Variants in ARHGEF18 observed in about 807,000 individuals in gnomAD.
ARHGEF18 encodes the protein rho guanine nucleotide exchange factor 18.
A neutral mutation model predicts 155.7 loss-of-function variants in ARHGEF18; 93 were observed. The observed-to-expected ratio is 0.60, with a 90% CI of 0.50 to 0.71. The LOEUF is 0.71. Ranked by LOEUF, ARHGEF18 falls within the 30% of genes least tolerant of loss-of-function variation. The pLI is 0.00. For synonymous variants in ARHGEF18, 742 were observed against 753.1 expected, an observed-to-expected ratio of 0.99 and a Z score of 0.24; for missense variants, 1,593 against 1,816.1, an observed-to-expected ratio of 0.88 and a Z score of 2.23.
chr19:7,406,646 A>T (rs1346258036), intron 10 of ARHGEF18, among the ~76,000 whole-genome samples: 3 of 152,176 alleles, frequency 2.0e-5, no homozygotes, highest in Non-Finnish European at 4.4e-5. Context: ...GAGACACAGG[A>T]TATGTTAAAA....
At chr19:7,355,761 G>A in intron 1 of ARHGEF18, 2 of 967,106 alleles carry the variant, frequency 2.1e-6, no homozygotes, top group Non-Finnish European at 2.5e-6. Flanking sequence ...TCCCAGGACA[G>A]CCTGCCCGCC....
intron 10 of ARHGEF18, among the ~76,000 whole-genome samples, chr19:7,432,601 A>T (rs1974028236): frequency 6.6e-6 from 1 of 152,110 alleles, no homozygotes; most frequent in African/African-American, 2.4e-5. Context: ...TCAGCCTCCC[A>T]AAGTACTCAG....
intron 10 of ARHGEF18, among the ~76,000 whole-genome samples, chr19:7,399,149 CG>C (rs1246809716): frequency 6.6e-6 from 1 of 152,106 alleles, no homozygotes; most frequent in Non-Finnish European, 1.5e-5. Context: ...CCCCCTGAGA[CG>C]GTCAAGAACT....
chr19:7,395,918 A>C lies in ARHGEF18; in HGVS notation c.967+12715A>C, dbSNP rs151326348. 1.6e-3 allele frequency among the ~76,000 whole-genome samples: 248 copies of C among 152,020 alleles called. No individual in the cohort carries two copies. The highest frequency in any genetic ancestry group is 3.4e-3 in the Middle Eastern group (1 of 294). On this transcript the variant is annotated intron_variant, in intron 10 of 28. Transcript: ENST00000668164. This position sits in a 1 kb window ranked among gnomAD's most constrained non-coding sequence, Gnocchi z 5.0. ...TACCTGGATATATTGCGTGATGCTG[A>C]GGTTTGGGGTGTGACTGATCTCGTC...
At chr19:7,450,986 T>C (rs1975401569) in intron 15 of ARHGEF18, among the ~76,000 whole-genome samples, 163 bp from the exon 16 acceptor site, 5 of 151,808 alleles carry the variant, frequency 3.3e-5, no homozygotes, top group Admixed American at 6.6e-5. Context: ...GAGATGTTAA[T>C]GCAGGATCTT....
At chr19:7,349,935 C>T (rs1045268697) in intron 1 of ARHGEF18, among the ~76,000 whole-genome samples, 1 of 152,092 alleles carries the variant, frequency 6.6e-6, no homozygotes, top group Non-Finnish European at 1.5e-5. Flanking sequence ...ACTGTCAAAA[C>T]AAACTCACAC....
intron 14 of ARHGEF18, 23 bp from the exon 15 acceptor site, chr19:7,447,020 A>T: frequency 6.2e-7 from 1 of 1,608,106 alleles, no homozygotes; most frequent in Non-Finnish European, 8.5e-7. Context: ...TTTAATTAAC[A>T]TTTCCATCCT....
chr19:7,445,501 A>G (rs1974932147), intron 14 of ARHGEF18, among the ~76,000 whole-genome samples: 1 of 152,138 alleles, frequency 6.6e-6, no homozygotes, highest in South Asian at 2.1e-4. Context: ...TAGTGGTATT[A>G]ACCCCAAATG....
At chr19:7,355,342 G>T (rs1294573287) in intron 1 of ARHGEF18, among the ~76,000 whole-genome samples, 22 of 152,032 alleles carry the variant, frequency 1.4e-4, no homozygotes, top group Admixed American at 1.4e-3. Context: ...GACCCAGTTT[G>T]TACTTGTATT....
At chr19:7,368,020 C>CGGAAGGAAGGAAGGAA (rs374690580) in intron 2 of ARHGEF18, among the ~76,000 whole-genome samples, 14,004 of 94,512 alleles carry the variant, frequency 0.15, 1,538 homozygotes, top group Non-Finnish European at 0.2. Context: ...GGAGGGAGGG[C>CGGAAGGAAGGAAGGAA]GGAAGGAAGG....
chr19:7,427,810 T>A (rs771930997), intron 10 of ARHGEF18, among the ~76,000 whole-genome samples: 4 of 150,322 alleles, frequency 2.7e-5, no homozygotes, highest in Non-Finnish European at 5.9e-5. Context: ...GCCAGGTGTG[T>A]TGGCACACGC....
intron 1 of ARHGEF18, chr19:7,355,573 G>T: frequency 1.0e-6 from 1 of 977,218 alleles, no homozygotes; most frequent in Non-Finnish European, 1.2e-6. Context: ...CCCCATCCTG[G>T]CAGGGATTCC....
chr19:7,362,327 T>TGGA (rs925472699), intron 1 of ARHGEF18, among the ~76,000 whole-genome samples: 9 of 128,114 alleles, frequency 7.0e-5, no homozygotes, highest in African/African-American at 3.3e-4. Context: ...AGGAAGAAGG[T>TGGA]GGAGGAGGAG....
rs370739393 is a variant in ARHGEF18 at position 7,460,011 on chromosome 19, G to T, written c.2452+17G>T. ...ACTTTCAAGGTGAGCGGGAGACAGC[G>T]TCTGGGCACACCCCTTGTGTGGTGA... is the stretch of plus-strand genomic sequence containing the variant. On this transcript the variant is annotated intron_variant, in intron 20 of 28. Transcript: ENST00000668164. 6.4e-7 allele frequency: 1 copy of T among 1,558,584 alleles called. No individual in the cohort carries two copies. The highest frequency in any genetic ancestry group is 1.4e-5 in the African/African-American group (1 of 73,612).
intron 10 of ARHGEF18, among the ~76,000 whole-genome samples, chr19:7,406,672 A>G (rs571418598): frequency 1.3e-5 from 2 of 152,276 alleles, no homozygotes; most frequent in South Asian, 4.1e-4. Context: ...TCAAGCTCAC[A>G]CTGTTGCAGT....
chr19:7,443,420 C>A (rs181651063), intron 13 of ARHGEF18, among the ~76,000 whole-genome samples: 1 of 152,032 alleles, frequency 6.6e-6, no homozygotes, highest in Non-Finnish European at 1.5e-5. Flanking sequence ...AGGCTAGTCT[C>A]GAACTCCTGA....
chr19:7,460,959 T>C (rs1976207894), intron 20 of ARHGEF18, among the ~76,000 whole-genome samples: 1 of 151,962 alleles, frequency 6.6e-6, no homozygotes, highest in Non-Finnish European at 1.5e-5. Context: ...CCACTAATTT[T>C]TGTGTTTTTA....
downstream of ARHGEF18, chr19:7,473,264 A>C (rs901502859): frequency 4.4e-6 from 2 of 456,230 alleles, no homozygotes; most frequent in East Asian, 6.9e-5. Flanking sequence ...GTCGATCACT[A>C]GCTCACTAGG....
At chr19:7,404,350 A>G (rs929357213) in intron 10 of ARHGEF18, among the ~76,000 whole-genome samples, 7 of 151,824 alleles carry the variant, frequency 4.6e-5, no homozygotes, top group Admixed American at 1.3e-4. Flanking sequence ...TCCTGTAAAT[A>G]CCGACTGATC....
Sources: allele counts gnomAD v4.1 joint callset (sites outside exome capture counted in the v4.1 genomes callset), GRCh38; gene constraint gnomAD v4.1.1; non-coding constraint Gnocchi (gnomAD v3.1); transcripts MANE v1.5; gene names NCBI Gene and HGNC (gene_info 2026-07-23, HGNC 2026-07-21).